CIT: variants seen among roughly 807,000 people sequenced by gnomAD.
CIT encodes the protein citron Rho-interacting kinase.
A neutral mutation model predicts 272.7 loss-of-function variants in CIT; 79 were observed. That is an observed-to-expected ratio of 0.29 (90% CI 0.24 to 0.35). The LOEUF (loss-of-function observed/expected upper bound fraction) is 0.35, where lower values mean the gene tolerates loss of function less well. CIT is among the 10% of genes least tolerant of loss of function. The pLI is 1.00. For synonymous variants in CIT, 948 were observed against 995.6 expected, an observed-to-expected ratio of 0.95 and a Z score of 0.90; for missense variants, 1,909 against 2,618.3, an observed-to-expected ratio of 0.73 and a Z score of 5.91.
chr12:119,761,589 A>G (rs1961801441), intron 19 of CIT, among the ~76,000 whole-genome samples: 1 of 152,204 alleles, frequency 6.6e-6, no homozygotes. Flanking sequence ...TGATGCTCAG[A>G]AACAACCAGG....
At chr12:119,754,957 G>A (rs898187293) in intron 22 of CIT, among the ~76,000 whole-genome samples, 5 of 152,236 alleles carry the variant, frequency 3.3e-5, no homozygotes, top group Admixed American at 3.3e-4. Flanking sequence ...AGCTAGAGAA[G>A]TCCATCTGGA....
intron 4 of CIT, among the ~76,000 whole-genome samples, chr12:119,850,777 G>A (rs1970173698): frequency 6.6e-6 from 1 of 152,186 alleles, no homozygotes; most frequent in African/African-American, 2.4e-5. Context: ...CCAGGACACA[G>A]TGCCGTCCCA....
chr12:119,716,322 G>A (rs1452984243), intron 32 of CIT, among the ~76,000 whole-genome samples: 2 of 135,684 alleles, frequency 1.5e-5, no homozygotes, highest in African/African-American at 2.8e-5. Flanking sequence ...AGGTTGCAGT[G>A]AGCCAAGATC....
intron 10 of CIT, among the ~76,000 whole-genome samples, chr12:119,799,202 T>C (rs1965984930): frequency 6.6e-6 from 1 of 152,214 alleles, no homozygotes; most frequent in African/African-American, 2.4e-5. Context: ...CATATTCTCT[T>C]GGTGTGTATA....
chr12:119,782,864 CT>C, intron 12 of CIT: 1 of 446,772 alleles, frequency 2.2e-6, no homozygotes, highest in Non-Finnish European at 4.0e-6. Context: ...CAGCCGGAAA[CT>C]GCATCAGCCT....
chr12:119,860,576 T>A (rs1950306451), intron 3 of CIT, among the ~76,000 whole-genome samples: 2 of 152,164 alleles, frequency 1.3e-5, no homozygotes, highest in Non-Finnish European at 2.9e-5. Flanking sequence ...AATTCTCTAG[T>A]ATGCCTTGGA....
intron 7 of CIT, among the ~76,000 whole-genome samples, chr12:119,829,243 C>T (rs1290225949): frequency 1.3e-5 from 2 of 152,064 alleles, no homozygotes; most frequent in African/African-American, 4.8e-5. Flanking sequence ...GGAGCTGAGG[C>T]AGGAGAATCT....
chr12:119,868,098 A>T (rs1950565722), intron 3 of CIT, among the ~76,000 whole-genome samples: 1 of 152,064 alleles, frequency 6.6e-6, no homozygotes, highest in Non-Finnish European at 1.5e-5. Flanking sequence ...TGGGCGTGGT[A>T]GTGTGAGCCT....
intron 46 of CIT, among the ~76,000 whole-genome samples, chr12:119,696,281 T>C (rs998511827): frequency 6.6e-6 from 1 of 152,210 alleles, no homozygotes; most frequent in Admixed American, 6.5e-5. Flanking sequence ...AGAGGCCTTT[T>C]TTTGGAACAT....
chr12:119,734,233 T>A lies in CIT; in HGVS notation c.3281A>T (p.Asp1094Val), dbSNP rs1474658180. 6.2e-7 allele frequency: 1 copy of A among 1,613,746 alleles called. No individual in the cohort carries two copies. The highest frequency in any genetic ancestry group is 2.2e-5 in the East Asian group (1 of 44,858). ...QWEAWRSVLGDEKSQFECRVR... is the reference protein window; with the variant it reads ...QWEAWRSVLGVEKSQFECRVR... ...CCGACACTCAAACTGGGATTTCTCATCACCCAGGACGCTCCTCCAGGCCTC... is the reference window on the plus strand; with the variant it reads ...CCGACACTCAAACTGGGATTTCTCAACACCCAGGACGCTCCTCCAGGCCTC... Residue 1094 changes from aspartate (D) to valine (V), a missense_variant, in exon 26 of 48, where the codon GAT (aspartate) becomes GTT (valine). Asp to Val is a radical substitution (Grantham distance 152). This residue lies in a region of CIT where 530 missense variants were observed against 822.4 expected (regional missense o/e 0.64). Coordinates refer to ENST00000392521, the MANE Select transcript of CIT (RefSeq NM_001206999.2).
At position 119,690,214 on chromosome 12, in the gene CIT, T is replaced by C; in HGVS notation, c.6123A>G (p.Glu2041=). The C allele has an allele frequency of 3.9e-6, 6 of 1,519,286 alleles. No individual in the cohort carries two copies. Among genetic ancestry groups the C allele is most frequent in the Non-Finnish European group, 4.4e-6 (5 of 1,143,844 alleles). 94.1% of individuals were successfully genotyped at this position (1,519,286 alleles called of 1,614,324 possible). Residue 2041 remains glutamate (E), a synonymous_variant, in exon 47 of 48, where the codon GAA becomes GAG. Coordinates refer to ENST00000392521, the MANE Select transcript of CIT (RefSeq NM_001206999.2). The surrounding 1 kb of genome is among the most constrained non-coding windows in gnomAD (Gnocchi z 6.0). ...RRERSPGRLF[E]DSSRGRLPAG... ...CAGGCAGCCGGCCCCTGCTGCTGTCTTCAAACAGCCTCCCGGGGGACCGCT... is the reference window on the plus strand; with the variant it reads ...CAGGCAGCCGGCCCCTGCTGCTGTCCTCAAACAGCCTCCCGGGGGACCGCT...
Position 119,785,051 on chromosome 12 carries a change from C to T in CIT, c.1310G>A (p.Gly437Asp). 6.2e-7 allele frequency: 1 copy of T among 1,614,168 alleles called. No homozygotes were observed. Among genetic ancestry groups the T allele is most frequent in the Non-Finnish European group, 8.5e-7 (1 of 1,180,012 alleles). ...ILGRSESVVSGLDSPAKTSSM... is the reference protein window; with the variant it reads ...ILGRSESVVSDLDSPAKTSSM... ...GCTAGTCTTGGCAGGGGAGTCCAGA[C>T]CCGACACAACAGACCTAGGTAGAGA... The change falls in exon 11 of 48, where the codon GGT becomes GAT. Residue 437 changes from glycine to aspartate, a missense_variant. Physicochemically the swap from Gly to Asp is moderately conservative, Grantham distance 94 (BLOSUM62 -1). Transcript: ENST00000392521.
At chr12:119,858,173 T>A (rs1950225488) in intron 3 of CIT, among the ~76,000 whole-genome samples, 1 of 152,180 alleles carries the variant, frequency 6.6e-6, no homozygotes, top group Admixed American at 6.5e-5. Flanking sequence ...TCATCTTCCT[T>A]GGATTGTATC....
intron 24 of CIT, among the ~76,000 whole-genome samples, chr12:119,739,654 C>T (rs1958963928): frequency 1.3e-5 from 2 of 152,108 alleles, no homozygotes; most frequent in African/African-American, 4.8e-5. Context: ...ATATTATAAG[C>T]CCAGGAGAAT....
At chr12:119,705,517 C>A (rs908386858) in intron 40 of CIT, among the ~76,000 whole-genome samples, 1 of 152,014 alleles carries the variant, frequency 6.6e-6, no homozygotes, top group African/African-American at 2.4e-5. Context: ...TGTGTGGATG[C>A]TTACGACATT....
At chr12:119,834,006 A>G in intron 6 of CIT, 80 bp downstream of exon 6, 1 of 1,373,846 alleles carries the variant, frequency 7.3e-7, no homozygotes, top group Middle Eastern at 1.9e-4. Context: ...GAAATCACTC[A>G]TCCACTCATT....
intron 5 of CIT, among the ~76,000 whole-genome samples, chr12:119,847,284 C>T (rs928284823): frequency 3.3e-5 from 5 of 152,160 alleles, no homozygotes; most frequent in African/African-American, 7.2e-5. Context: ...ACACCTGGCC[C>T]GAACTTCTTC....
chr12:119,742,026 T>C (rs1171187154), intron 24 of CIT, among the ~76,000 whole-genome samples: 2 of 152,154 alleles, frequency 1.3e-5, no homozygotes, highest in Admixed American at 6.5e-5. Context: ...GTCTCACAGA[T>C]ACAACTGCCC....
chr12:119,792,893 C>T (rs913245312), intron 10 of CIT, among the ~76,000 whole-genome samples: 2 of 151,760 alleles, frequency 1.3e-5, no homozygotes, highest in East Asian at 2.0e-4. Context: ...ACCTGGGAGG[C>T]GGAGGTTGTC....
Sources: allele counts gnomAD v4.1 joint callset (sites outside exome capture counted in the v4.1 genomes callset), GRCh38; gene constraint gnomAD v4.1.1; regional missense constraint gnomAD v4.1.1; non-coding constraint Gnocchi (gnomAD v3.1); transcripts MANE v1.5; gene names NCBI Gene and HGNC (gene_info 2026-07-23, HGNC 2026-07-21).